CAND1: variants seen among roughly 807,000 people sequenced by gnomAD.
CAND1 encodes cullin-associated NEDD8-dissociated protein 1.
CAND1 carries 7 observed loss-of-function variants against 108.5 expected under a neutral mutation model. That is an observed-to-expected ratio of 0.06 (90% CI 0.04 to 0.12). CAND1 has a LOEUF of 0.12. Ranked by LOEUF, CAND1 falls within the 10% of genes least tolerant of loss-of-function variation. The probability of loss-of-function intolerance (pLI) is 1.00; values close to 1 mark genes in which losing one functional copy is unlikely to be tolerated. For missense variants in CAND1, 941 were observed against 1,448.7 expected (o/e 0.65, Z 5.69); for synonymous variants, 534 against 512.0 (o/e 1.04, Z -0.58).
chr12:67,308,079 T>G lies in CAND1; in HGVS notation c.3025+587T>G, dbSNP rs150146644. Among the ~76,000 whole-genome samples the G allele has an allele frequency of 2.9e-3, 442 of 152,166 alleles. 4 individuals carry two copies. Among genetic ancestry groups the G allele is most frequent in the African/African-American group, 0.01 (421 of 41,554 alleles). ...ATTATTTCTGATTTTATAACCTCCT[T>G]GCATTTTGTTTTTATCATTGGTTTT... On this transcript the variant is annotated intron_variant, in intron 11 of 14. Coordinates refer to ENST00000545606, the MANE Select transcript of CAND1 (RefSeq NM_018448.5).
At position 67,314,022 on chromosome 12, in the gene CAND1, A is replaced by G. The variant is rs1469792985; in HGVS notation, c.*1192A>G. ...AAGCTTTTGCAGTACCTTATATTGT[A>G]GTTAAAATTTTATTTAACATATCCT... is the stretch of plus-strand genomic sequence containing the variant. On this transcript the variant is annotated 3_prime_UTR_variant, in exon 15 of 15. Transcript: ENST00000545606. 1 of 152,576 alleles carries G rather than the reference A, an allele frequency of 6.6e-6. No homozygotes were observed. The highest frequency in any genetic ancestry group is 1.9e-4 in the East Asian group (1 of 5,194). The allele number at this position is 152,576 out of a possible 1,614,324, so 9.5% of individuals were successfully genotyped here.
intron 1 of CAND1, among the ~76,000 whole-genome samples, chr12:67,279,952 A>G (rs1342826776): frequency 1.3e-5 from 2 of 152,098 alleles, no homozygotes; most frequent in Non-Finnish European, 2.9e-5. Context: ...AACAGTTAAG[A>G]TTTTTTCAGT....
Position 67,281,980 on chromosome 12 carries a change from A to C in CAND1, c.139A>C (p.Arg47=), listed in dbSNP as rs757306042. ...DSIKLDDDSE[R]KVVKMILKLL... ...CATCAAGTTGGATGATGATAGTGAA[A>C]GGAAAGTAGTGAAAATGATTTTGAA... is the stretch of plus-strand genomic sequence containing the variant. The change falls in exon 2 of 15, where the codon AGG becomes CGG. Residue 47 remains arginine (R), a synonymous_variant. Coordinates refer to ENST00000545606, the MANE Select transcript of CAND1 (RefSeq NM_018448.5). 6.2e-7 allele frequency: 1 copy of C among 1,611,306 alleles called. No homozygotes were observed. The highest frequency in any genetic ancestry group is 1.3e-5 in the African/African-American group (1 of 74,870).
intron 4 of CAND1, among the ~76,000 whole-genome samples, chr12:67,296,747 T>TA (rs144240690): frequency 0.043 from 6,463 of 151,972 alleles, 188 homozygotes; most frequent in Non-Finnish European, 0.058. Context: ...GAAAATCATT[T>TA]AGAGATTTTG....
chr12:67,293,411 A>G (rs56044711), intron 3 of CAND1, among the ~76,000 whole-genome samples: 13,455 of 152,296 alleles, frequency 0.088, 1,310 homozygotes, highest in African/African-American at 0.24. Context: ...TCTCATCTGC[A>G]AAAGGTGAGA....
In CAND1 at chr12:67,314,157, A is replaced by G. The variant is rs1310467492; in HGVS notation, c.*1327A>G. 6.6e-6 allele frequency: 1 copy of G among 152,230 alleles called. No individual in the cohort carries two copies. The highest frequency in any genetic ancestry group is 6.5e-5 in the Admixed American group (1 of 15,292). The allele number at this position is 152,230 out of a possible 1,614,324, so 9.4% of individuals were successfully genotyped here. On this transcript the variant is annotated 3_prime_UTR_variant, in exon 15 of 15. Transcript: ENST00000545606. ...ACATCTCCTAATGCTGTGCAAACAT[A>G]GTTTACATGTATTGAAGGAGGCAGT... is the stretch of plus-strand genomic sequence containing the variant.
intron 7 of CAND1, 103 bp downstream of exon 7, chr12:67,299,198 T>C (rs1185062086): frequency 1.8e-6 from 2 of 1,119,052 alleles, no homozygotes; most frequent in Admixed American, 3.3e-5. Flanking sequence ...TTAGTTATAA[T>C]AGTGAAAAGG....
At chr12:67,278,448 T>A (rs1296941716) in intron 1 of CAND1, among the ~76,000 whole-genome samples, 1 of 150,556 alleles carries the variant, frequency 6.6e-6, no homozygotes, top group African/African-American at 2.4e-5. Flanking sequence ...CATGCCCAGC[T>A]CCTACTCTTC....
At chr12:67,286,302 G>A (rs2044671016) in intron 2 of CAND1, among the ~76,000 whole-genome samples, 1 of 152,138 alleles carries the variant, frequency 6.6e-6, no homozygotes, top group Non-Finnish European at 1.5e-5. Flanking sequence ...GAGCCACCGC[G>A]CCCTGCCGTC....
intron 11 of CAND1, 144 bp from the exon 12 acceptor site, chr12:67,309,757 T>C (rs1463319804): frequency 3.6e-6 from 2 of 563,072 alleles, no homozygotes; most frequent in African/African-American, 3.8e-5. Flanking sequence ...TCACTTAGTG[T>C]TTCATCAGGT....
chr12:67,294,963 A>C, intron 3 of CAND1, 70 bp from the exon 4 acceptor site: 2 of 1,507,416 alleles, frequency 1.3e-6, no homozygotes, highest in Admixed American at 1.9e-5. Flanking sequence ...ATATTTGGTA[A>C]CTACCATGAA....
In CAND1 at chr12:67,302,390, C is replaced by T. The variant is rs1302490670; in HGVS notation, c.1068C>T (p.Cys356=). The T allele has an allele frequency of 3.1e-6, 5 of 1,613,944 alleles. No homozygotes were observed. Among genetic ancestry groups the T allele is most frequent in the Non-Finnish European group, 4.2e-6 (5 of 1,179,954 alleles). ...AAGTGAGACGTGCAGCTGCGAAGTG[C>T]TTGGATGCTGTAGTTAGCACAAGGC... The part of the protein sequence containing the change: ...SWKVRRAAAK[C]LDAVVSTRHE... Residue 356 remains cysteine (C), a synonymous_variant, in exon 8 of 15, where the codon TGC becomes TGT. Coordinates refer to ENST00000545606, the MANE Select transcript of CAND1 (RefSeq NM_018448.5).
chr12:67,283,350 G>A (rs538068299), intron 2 of CAND1, among the ~76,000 whole-genome samples: 7 of 152,208 alleles, frequency 4.6e-5, no homozygotes, highest in African/African-American at 9.6e-5. Context: ...TTGGGAGGCC[G>A]AGGCAGGTGG....
intron 2 of CAND1, 71 bp downstream of exon 2, chr12:67,282,124 A>C (rs1020143187): frequency 1.4e-6 from 2 of 1,476,052 alleles, no homozygotes; most frequent in Non-Finnish European, 1.9e-6. Flanking sequence ...CTCTATGATA[A>C]GTAGTAAATT....
intron 1 of CAND1, chr12:67,270,830 A>C (rs2044514847): frequency 6.6e-6 from 1 of 151,634 alleles, no homozygotes; most frequent in Admixed American, 6.6e-5. Context: ...TTGTTCTCTA[A>C]TGCTTAGTGG....
intron 1 of CAND1, chr12:67,270,128 G>A (rs1026202489): frequency 4.0e-6 from 1 of 252,210 alleles, no homozygotes; most frequent in Non-Finnish European, 7.6e-6. Flanking sequence ...TTGTGGAGAA[G>A]GGAGTTGCTC....
At chr12:67,309,141 C>T (rs1288813804) in intron 11 of CAND1, among the ~76,000 whole-genome samples, 2 of 151,976 alleles carry the variant, frequency 1.3e-5, no homozygotes, top group Non-Finnish European at 2.9e-5. Flanking sequence ...GACTGAGAAA[C>T]TGAGGTTCTT....
At position 67,316,345 on chromosome 12, in the gene CAND1, G is replaced by A. The variant is rs2045007526; in HGVS notation, c.*3515G>A. 6.6e-6 allele frequency: 1 copy of A among 152,160 alleles called. No individual in the cohort carries two copies. 9.4% of individuals were successfully genotyped at this position (152,160 alleles called of 1,614,324 possible). ...GGCTACCCAAATCTCATCAGATAAG[G>A]CTGTTTTCTTAAAGGAAATGCAAAA... On this transcript the variant is annotated 3_prime_UTR_variant, in exon 15 of 15. Transcript: ENST00000545606.
chr12:67,287,757 T>C (rs1258704782), intron 2 of CAND1, among the ~76,000 whole-genome samples: 1 of 152,026 alleles, frequency 6.6e-6, no homozygotes, highest in African/African-American at 2.4e-5. Context: ...AATTTAAACA[T>C]ATAAAGGTAT....
Sources: allele counts gnomAD v4.1 joint callset (sites outside exome capture counted in the v4.1 genomes callset), GRCh38; gene constraint gnomAD v4.1.1; transcripts MANE v1.5; gene names NCBI Gene and HGNC (gene_info 2026-07-23, HGNC 2026-07-21).